Variants in MLIP observed in about 807,000 individuals in gnomAD.
MLIP encodes muscular LMNA interacting protein.
MLIP carries 79 observed loss-of-function variants against 84.8 expected under a neutral mutation model. That is an observed-to-expected ratio of 0.93 (90% CI 0.78 to 1.12). The LOEUF (loss-of-function observed/expected upper bound fraction) is 1.12, where lower values mean the gene tolerates loss of function less well. Among genes scored for constraint, MLIP ranks in the 50% most tolerant of loss-of-function variants. MLIP has a pLI of 0.00. For synonymous variants in MLIP, 504 were observed against 463.0 expected, an observed-to-expected ratio of 1.09 and a Z score of -1.14; for missense variants, 1,257 against 1,160.6, an observed-to-expected ratio of 1.08 and a Z score of -1.21.
chr6:54,024,172 C>T (rs1338743906), intron 1 of MLIP, among the ~76,000 whole-genome samples: 3 of 152,112 alleles, frequency 2.0e-5, no homozygotes, highest in Non-Finnish European at 4.4e-5. Flanking sequence ...GCCACCATGC[C>T]CAGCTAATTT....
intron 12 of MLIP, among the ~76,000 whole-genome samples, chr6:54,249,771 G>A (rs978287932): frequency 2.0e-5 from 3 of 150,526 alleles, no homozygotes; most frequent in Admixed American, 6.6e-5. Flanking sequence ...ATATACACAT[G>A]TATACACGTG....
intron 11 of MLIP, among the ~76,000 whole-genome samples, chr6:54,218,343 G>A (rs1779987580): frequency 6.6e-6 from 1 of 152,142 alleles, no homozygotes; most frequent in Non-Finnish European, 1.5e-5. Context: ...TCTGATCATA[G>A]ACAGGGTACT....
intron 1 of MLIP, among the ~76,000 whole-genome samples, chr6:54,115,637 G>T (rs9349694): frequency 2.0e-5 from 3 of 152,218 alleles, no homozygotes; most frequent in Admixed American, 6.5e-5. Context: ...GTTAAGAAGC[G>T]TGGCATTGAA....
chr6:54,083,278 T>C (rs1244910059), intron 1 of MLIP: 1 of 344,678 alleles, frequency 2.9e-6, no homozygotes. Flanking sequence ...ACTTTTAAAA[T>C]AGAGCTTCCC....
At chr6:54,236,278 GC>G (rs1781355317) in intron 12 of MLIP, among the ~76,000 whole-genome samples, 1 of 151,748 alleles carries the variant, frequency 6.6e-6, no homozygotes, top group African/African-American at 2.4e-5. Flanking sequence ...GCAATGCCCT[GC>G]TTTCTTGCTG....
At chr6:54,139,580 A>G (rs1382409147) in intron 4 of MLIP, among the ~76,000 whole-genome samples, 2 of 152,192 alleles carry the variant, frequency 1.3e-5, no homozygotes, top group Non-Finnish European at 2.9e-5. Context: ...GTCAGGAACT[A>G]TGCTAGTATA....
chr6:54,140,754 G>A (rs969529356), intron 4 of MLIP, among the ~76,000 whole-genome samples: 1 of 152,028 alleles, frequency 6.6e-6, no homozygotes, highest in African/African-American at 2.4e-5. Flanking sequence ...AAATGGATGT[G>A]GAATAGATAA....
chr6:54,180,756 A>G (rs1363859531), intron 9 of MLIP, among the ~76,000 whole-genome samples: 2 of 152,066 alleles, frequency 1.3e-5, no homozygotes, highest in African/African-American at 4.8e-5. Flanking sequence ...TGTTATCTTG[A>G]ATTTCTTTGA....
At chr6:54,187,211 C>T (rs1207515342) in intron 9 of MLIP, among the ~76,000 whole-genome samples, 3 of 152,198 alleles carry the variant, frequency 2.0e-5, no homozygotes, top group African/African-American at 7.2e-5. Flanking sequence ...CTGTGCAACT[C>T]CTAAGGCCCC....
At chr6:54,035,955 C>A (rs373470808) in intron 1 of MLIP, among the ~76,000 whole-genome samples, 1 of 151,930 alleles carries the variant, frequency 6.6e-6, no homozygotes, top group African/African-American at 2.4e-5. Flanking sequence ...TTTTGCAGAG[C>A]AAAGATTTTA....
chr6:54,108,548 T>C (rs544243452), upstream of MLIP, among the ~76,000 whole-genome samples: 24 of 152,290 alleles, frequency 1.6e-4, no homozygotes, highest in South Asian at 1.7e-3. Context: ...TGCATGACCA[T>C]TTATGTGTTT....
At chr6:54,056,031 G>A (rs139547470) in intron 1 of MLIP, among the ~76,000 whole-genome samples, 5 of 151,998 alleles carry the variant, frequency 3.3e-5, no homozygotes, top group East Asian at 1.9e-4. Flanking sequence ...ACTTCTCTAC[G>A]ACAACCATAT....
chr6:54,031,806 A>ATCAG (rs375836228), intron 1 of MLIP: 2 of 152,278 alleles, frequency 1.3e-5, no homozygotes, highest in African/African-American at 4.8e-5. Flanking sequence ...ACTTAACCTC[A>ATCAG]TCAGTCATGC....
chr6:54,209,713 C>G (rs894843481), intron 11 of MLIP, among the ~76,000 whole-genome samples: 4 of 152,056 alleles, frequency 2.6e-5, no homozygotes, highest in African/African-American at 9.7e-5. Flanking sequence ...GGAAGATCCT[C>G]ATTTTTTACA....
chr6:54,201,725 C>G (rs1275127123), intron 10 of MLIP, among the ~76,000 whole-genome samples: 2 of 152,144 alleles, frequency 1.3e-5, no homozygotes. Flanking sequence ...TTGTCATGGG[C>G]TTGGTGGATA....
chr6:54,231,416 A>T (rs1780990301), intron 12 of MLIP, among the ~76,000 whole-genome samples: 1 of 152,144 alleles, frequency 6.6e-6, no homozygotes, highest in African/African-American at 2.4e-5. Context: ...TGTGTATAGT[A>T]ACGCGATGTG....
intron 3 of MLIP, among the ~76,000 whole-genome samples, chr6:54,131,713 G>T (rs1771397142): frequency 6.6e-6 from 1 of 152,160 alleles, no homozygotes; most frequent in South Asian, 2.1e-4. Context: ...GATCAAGAAA[G>T]AGCTTGGGAT....
At chr6:54,194,316 C>T (rs1468799735) in intron 10 of MLIP, among the ~76,000 whole-genome samples, 2 of 152,130 alleles carry the variant, frequency 1.3e-5, no homozygotes, top group Non-Finnish European at 2.9e-5. Flanking sequence ...AAGGCAGTTT[C>T]TCCTTGACCA....
At chr6:54,127,991 A>G (rs1771067189) in intron 3 of MLIP, among the ~76,000 whole-genome samples, 1 of 152,208 alleles carries the variant, frequency 6.6e-6, no homozygotes, top group Admixed American at 6.5e-5. Context: ...GACCTATGAT[A>G]AAGTTTGGAG....
Sources: gnomAD v4.1 joint callset for allele counts (sites outside exome capture counted in the v4.1 genomes callset) on GRCh38, gnomAD v4.1.1 for gene constraint, MANE v1.5 for transcripts, NCBI Gene and HGNC (gene_info 2026-07-23, HGNC 2026-07-21) for gene names.